TRIM9: variants seen among roughly 807,000 people sequenced by gnomAD.
TRIM9 encodes the protein E3 ubiquitin-protein ligase TRIM9.
TRIM9 carries 26 observed loss-of-function variants against 78.3 expected under a neutral mutation model. The ratio of observed to expected loss-of-function variants is 0.33; its 90% CI spans 0.24 to 0.46. TRIM9 has a LOEUF of 0.46. Among genes scored for constraint, TRIM9 ranks in the 20% least tolerant of loss-of-function variants. The pLI is 1.00. For synonymous variants in TRIM9, 398 were observed against 416.5 expected, an observed-to-expected ratio of 0.96 and a Z score of 0.54; for missense variants, 787 against 1,036.4, an observed-to-expected ratio of 0.76 and a Z score of 3.30.
At chr14:51,069,713 C>T (rs1379670306) in intron 1 of TRIM9, among the ~76,000 whole-genome samples, 1 of 152,188 alleles carries the variant, frequency 6.6e-6, no homozygotes, top group Non-Finnish European at 1.5e-5. Context: ...CAACCCTGTG[C>T]CCATATGGCA....
chr14:50,983,465 G>C, intron 8 of TRIM9, 44 bp from the exon 9 acceptor site: 1 of 1,475,802 alleles, frequency 6.8e-7, no homozygotes, highest in South Asian at 1.3e-5. Context: ...ACAACAACCA[G>C]GTTGATAAAA....
chr14:51,068,758 A>G (rs553962599), intron 1 of TRIM9, among the ~76,000 whole-genome samples: 2 of 152,318 alleles, frequency 1.3e-5, no homozygotes, highest in South Asian at 4.1e-4. Flanking sequence ...AGGCCAGCCC[A>G]TGTTGCAGAA....
intron 1 of TRIM9, among the ~76,000 whole-genome samples, chr14:51,076,141 G>A (rs531319051): frequency 6.6e-6 from 1 of 152,300 alleles, no homozygotes; most frequent in African/African-American, 2.4e-5. Flanking sequence ...TGTGTTGCCT[G>A]TTTCACAGAT....
chr14:51,067,618 C>A (rs2061858775), intron 1 of TRIM9, among the ~76,000 whole-genome samples: 1 of 152,166 alleles, frequency 6.6e-6, no homozygotes, highest in Non-Finnish European at 1.5e-5. Context: ...CCCTTTCATT[C>A]CTGCCTAAGG....
At chr14:50,996,798 T>C in intron 7 of TRIM9, 1 of 985,424 alleles carries the variant, frequency 1.0e-6, no homozygotes, top group East Asian at 1.1e-4. Flanking sequence ...GTACTCCAAA[T>C]GGGAACAGGT....
chr14:51,090,255 T>C (rs184988677), intron 1 of TRIM9, among the ~76,000 whole-genome samples: 18 of 152,346 alleles, frequency 1.2e-4, no homozygotes, highest in African/African-American at 4.3e-4. Flanking sequence ...CACAGGAATA[T>C]ATAGACTATA....
intron 1 of TRIM9, chr14:51,090,000 A>G (rs1215729894): frequency 6.6e-6 from 1 of 152,244 alleles, no homozygotes; most frequent in African/African-American, 2.4e-5. Flanking sequence ...GGAAGTACAG[A>G]CAGGTGATGA....
chr14:50,992,770 C>T (rs972979416), intron 7 of TRIM9, among the ~76,000 whole-genome samples: 1 of 151,998 alleles, frequency 6.6e-6, no homozygotes, highest in Admixed American at 6.6e-5. Flanking sequence ...AAAGGGGCAG[C>T]GTGATGCTGA....
chr14:51,015,451 T>C (rs1474915648), intron 3 of TRIM9, among the ~76,000 whole-genome samples: 1 of 152,006 alleles, frequency 6.6e-6, no homozygotes, highest in African/African-American at 2.4e-5. Flanking sequence ...TGTGGTTCTT[T>C]TAAAATTTTT....
intron 1 of TRIM9, among the ~76,000 whole-genome samples, chr14:51,071,033 T>C (rs1327814695): frequency 1.3e-5 from 2 of 151,980 alleles, no homozygotes; most frequent in African/African-American, 4.8e-5. Context: ...CATTTACATT[T>C]CGGGGTTTTG....
chr14:51,003,421 A>T (rs1198616419), intron 5 of TRIM9, among the ~76,000 whole-genome samples: 2 of 152,190 alleles, frequency 1.3e-5, no homozygotes, highest in Non-Finnish European at 2.9e-5. Flanking sequence ...TGTTTCAGGT[A>T]AGTCTACATT....
At chr14:50,990,693 G>C (rs1454510340) in intron 7 of TRIM9, among the ~76,000 whole-genome samples, 1 of 152,202 alleles carries the variant, frequency 6.6e-6, no homozygotes, top group Non-Finnish European at 1.5e-5. Context: ...TTGTCCTCCT[G>C]TCTGGCAGTG....
Position 50,975,828 on chromosome 14 carries a change from T to G in TRIM9, c.*1463A>C, listed in dbSNP as rs2051052365. 6.6e-6 allele frequency: 1 copy of G among 152,626 alleles called. No individual in the cohort carries two copies. The highest frequency in any genetic ancestry group is 2.4e-5 in the African/African-American group (1 of 41,456). 9.5% of individuals were successfully genotyped at this position (152,626 alleles called of 1,614,324 possible). On this transcript the variant is annotated 3_prime_UTR_variant, in exon 13 of 13. Transcript: ENST00000684578. ...AAAACTTTATGACAAACTAATGAAT[T>G]TCAAGGGTAACCTATGTAAGTCTAT... is the stretch of plus-strand genomic sequence containing the variant.
chr14:51,052,040 A>G (rs145246154), intron 1 of TRIM9, among the ~76,000 whole-genome samples: 2 of 132,772 alleles, frequency 1.5e-5, no homozygotes, highest in Non-Finnish European at 3.3e-5. Flanking sequence ...GAGGGGAGGG[A>G]AAAGAAGAGA....
chr14:51,037,650 A>C (rs1167672243), intron 1 of TRIM9, among the ~76,000 whole-genome samples: 1 of 152,012 alleles, frequency 6.6e-6, no homozygotes. Context: ...GAAATTATTA[A>C]TTAATAATGA....
Position 50,985,983 on chromosome 14 carries a change from A to C in TRIM9, c.1765T>G (p.Ser589Ala), listed in dbSNP as rs2052660838. ...GGTGCATTGAGAGACTGTAAAGAGG[A>C]ATGCAAGCTCAGCTGGTGGGGTGAG... ...RSSPHQLSLH[S>A]SLQSLNAPGC... Residue 589 changes from serine (S) to alanine (A), a missense_variant, in exon 8 of 13, where the codon TCC becomes GCC. Coordinates refer to ENST00000684578, the MANE Select transcript of TRIM9 (RefSeq NM_001387360.1). 2.6e-6 allele frequency: 4 copies of C among 1,546,298 alleles called. No homozygotes were observed. Among genetic ancestry groups the C allele is most frequent in the East Asian group, 2.5e-5 (1 of 40,714 alleles).
chr14:51,008,889 C>T (rs2056197782), intron 5 of TRIM9, among the ~76,000 whole-genome samples, 191 bp downstream of exon 5: 1 of 152,220 alleles, frequency 6.6e-6, no homozygotes, highest in Non-Finnish European at 1.5e-5. Context: ...AAGAGGCAAG[C>T]ATTGAGTTGA....
At chr14:51,004,629 C>T (rs183294720) in intron 5 of TRIM9, among the ~76,000 whole-genome samples, 1 of 152,266 alleles carries the variant, frequency 6.6e-6, no homozygotes, top group East Asian at 1.9e-4. Context: ...GAGAGGTTTA[C>T]AGGTATTCAC....
Position 51,094,123 on chromosome 14 carries a change from G to C in TRIM9, c.817C>G (p.His273Asp). 2 of 1,612,402 alleles carry C rather than the reference G, an allele frequency of 1.2e-6. No individual in the cohort carries two copies. The highest frequency in any genetic ancestry group is 4.5e-5 in the East Asian group (2 of 44,814). ...VKALGAMWKL[H>D]KSQLSQALNG... is the part of the protein sequence containing the mutation. ...TGGGTTTTCTTAGGACTCACCTTAT[G>C]TAGTTTCCACATGGCCCCCAGAGCC... Residue 273 changes from histidine to aspartate, a missense_variant, in exon 1 of 13, where the codon CAT becomes GAT. By Grantham distance (81) the His-to-Asp change is moderately conservative. Coordinates refer to ENST00000684578, the MANE Select transcript of TRIM9 (RefSeq NM_001387360.1).
Sources: allele counts gnomAD v4.1 joint callset (sites outside exome capture counted in the v4.1 genomes callset), GRCh38; gene constraint gnomAD v4.1.1; transcripts MANE v1.5; gene names NCBI Gene and HGNC (gene_info 2026-07-23, HGNC 2026-07-21).